GLI4: variants seen among roughly 807,000 people sequenced by gnomAD.
GLI4 encodes the protein zinc finger protein GLI4.
A neutral mutation model predicts 30.9 loss-of-function variants in GLI4; 34 were observed. The ratio of observed to expected loss-of-function variants is 1.10; its 90% CI spans 0.84 to 1.47. The LOEUF (loss-of-function observed/expected upper bound fraction) is 1.47, where lower values mean the gene tolerates loss of function less well. Ranked by LOEUF, GLI4 falls within the 40% of genes most tolerant of loss-of-function variation. GLI4 has a pLI of 0.00. For missense variants in GLI4, 696 were observed against 538.9 expected (o/e 1.29, Z -2.89); for synonymous variants, 277 against 236.7 (o/e 1.17, Z -1.56).
chr8:143,268,687 C>G (rs1444892382), intron 1 of GLI4, among the ~76,000 whole-genome samples: 4 of 152,250 alleles, frequency 2.6e-5, no homozygotes, highest in African/African-American at 7.2e-5. Flanking sequence ...ACTCCCTATG[C>G]CTTTCTCTGG....
intron 3 of GLI4, chr8:143,275,678 GT>G (rs1473734627): frequency 1.6e-6 from 2 of 1,241,442 alleles, no homozygotes; most frequent in African/African-American, 3.1e-5. Flanking sequence ...GCAGCTCTGG[GT>G]CACCCTGCAA....
At chr8:143,274,632 C>A (rs1019894298) in intron 2 of GLI4, 72 bp from the exon 3 acceptor site, 4 of 1,444,874 alleles carry the variant, frequency 2.8e-6, no homozygotes, top group East Asian at 2.5e-5. Context: ...CCCGGGAGCA[C>A]GTGGCGGTCA....
At chr8:143,275,326 T>A in intron 3 of GLI4, 1 of 1,434,348 alleles carries the variant, frequency 7.0e-7, no homozygotes, top group Non-Finnish European at 9.1e-7. Flanking sequence ...CTCGCCCACA[T>A]CTGGGCGGCC....
At chr8:143,267,655 C>G (rs1249471847) in intron 1 of GLI4, 171 bp downstream of exon 1, 1 of 985,216 alleles carries the variant, frequency 1.0e-6, no homozygotes, top group African/African-American at 1.7e-5. Flanking sequence ...GGGGTGGGCT[C>G]CTGGGGGTCG....
At chr8:143,271,438 G>T (rs1316139236) in intron 2 of GLI4, among the ~76,000 whole-genome samples, 1 of 152,166 alleles carries the variant, frequency 6.6e-6, no homozygotes, top group African/African-American at 2.4e-5. Context: ...GTGAAGGCAG[G>T]GGCTGTTTCT....
rs1317836752 is a variant in GLI4 at position 143,276,380 on chromosome 8, A to C, written c.707A>C (p.Glu236Ala). The change falls in exon 4 of 4, where the codon GAG becomes GCG. Residue 236 changes from glutamate (E) to alanine (A), a missense_variant. Coordinates refer to ENST00000340042, the MANE Select transcript of GLI4 (RefSeq NM_138465.4). ...CAGCACCACCGCATCCACACGGGCG[A>C]GAAGCCCTACGAGTGCGGCCAGTGC... Reference protein sequence around the residue: ...FIQHHRIHTGEKPYECGQCGR... With the variant: ...FIQHHRIHTGAKPYECGQCGR... 1 of 1,612,652 alleles carries C rather than the reference A, an allele frequency of 6.2e-7. No homozygotes were observed. Among genetic ancestry groups the C allele is most frequent in the Non-Finnish European group, 8.5e-7 (1 of 1,179,796 alleles).
intron 1 of GLI4, chr8:143,267,751 C>T (rs1170350114): frequency 2.0e-6 from 2 of 985,250 alleles, no homozygotes; most frequent in Non-Finnish European, 2.4e-6. Flanking sequence ...CACCCAGTGA[C>T]GGCAGCTGTC....
At position 143,269,383 on chromosome 8, in the gene GLI4, A is replaced by C. The variant is rs1199053255; in HGVS notation, c.-14A>C. On this transcript the variant is annotated 5_prime_UTR_variant, in exon 2 of 4. Coordinates refer to ENST00000340042, the MANE Select transcript of GLI4 (RefSeq NM_138465.4). ...AGGTCCCAGGTGTGACACCTTCAGC[A>C]GGTCTCAGGGAAGATGGCAGCCCTA... 6.2e-7 allele frequency: 1 copy of C among 1,610,480 alleles called. No individual in the cohort carries two copies. Among genetic ancestry groups the C allele is most frequent in the Non-Finnish European group, 8.5e-7 (1 of 1,178,176 alleles).
chr8:143,275,868 C>T (rs1380439028), intron 3 of GLI4, 29 bp from the exon 4 acceptor site: 2 of 1,268,018 alleles, frequency 1.6e-6, no homozygotes, highest in Non-Finnish European at 2.0e-6. Flanking sequence ...CATGCGGGTA[C>T]TATCCGCCTC....
At chr8:143,275,085 C>G in intron 3 of GLI4, 2 of 1,535,672 alleles carry the variant, frequency 1.3e-6, no homozygotes, top group South Asian at 2.4e-5. Flanking sequence ...GAATCAGGAA[C>G]TCCTCCCTCC....
chr8:143,271,417 C>A (rs923209006), intron 2 of GLI4, among the ~76,000 whole-genome samples: 2 of 152,216 alleles, frequency 1.3e-5, no homozygotes, highest in Non-Finnish European at 2.9e-5. Flanking sequence ...GTCCCAACTT[C>A]CAGGCACTGG....
intron 3 of GLI4, 80 bp downstream of exon 3, chr8:143,274,882 C>T (rs1011856642): frequency 4.1e-5 from 61 of 1,501,164 alleles, no homozygotes; most frequent in African/African-American, 2.4e-4. Context: ...CTCTGTGGCA[C>T]CCCCAATGCT....
In GLI4 at chr8:143,276,744, C is replaced by T. The variant is rs754707301; in HGVS notation, c.1071C>T (p.Gly357=). 8 of 1,607,682 alleles carry T rather than the reference C, an allele frequency of 5.0e-6. No homozygotes were observed. The highest frequency in any genetic ancestry group is 4.0e-5 in the African/African-American group (3 of 74,816). ...GEKPFACGAC[G]KAFGQSSQLI... Reference sequence around the variant, plus strand: ...AGCCCTTCGCGTGTGGCGCCTGCGGCAAGGCCTTCGGCCAGAGCTCCCAGC... The same window carrying T: ...AGCCCTTCGCGTGTGGCGCCTGCGGTAAGGCCTTCGGCCAGAGCTCCCAGC... Residue 357 remains glycine, a synonymous_variant, in exon 4 of 4, where the codon GGC becomes GGT. Transcript: ENST00000340042.
intron 3 of GLI4, chr8:143,275,336 C>G (rs985322205): frequency 1.4e-6 from 2 of 1,420,974 alleles, no homozygotes; most frequent in Admixed American, 2.8e-5. Context: ...TCTGGGCGGC[C>G]CTGGGGTGGG....
chr8:143,268,700 G>C (rs371446315), intron 1 of GLI4, among the ~76,000 whole-genome samples: 2 of 152,278 alleles, frequency 1.3e-5, no homozygotes, highest in Non-Finnish European at 2.9e-5. Flanking sequence ...TTCTCTGGGG[G>C]AGGGGTGATG....
At chr8:143,274,207 T>C (rs963906261) in intron 2 of GLI4, among the ~76,000 whole-genome samples, 1 of 152,122 alleles carries the variant, frequency 6.6e-6, no homozygotes, top group Non-Finnish European at 1.5e-5. Flanking sequence ...CTGCCTCTGC[T>C]GTTTCTGGGC....
In GLI4 at chr8:143,275,714, C is replaced by T. The variant is rs528076255; in HGVS notation, c.224-183C>T. 162 of 1,241,696 alleles carry T rather than the reference C, an allele frequency of 1.3e-4. 1 individual carries two copies. The South Asian group carries it at 3.0e-3, about 23-fold the overall frequency. 76.9% of individuals were successfully genotyped at this position (1,241,696 alleles called of 1,614,324 possible). On this transcript the variant is annotated intron_variant, in intron 3 of 3. Coordinates refer to ENST00000340042, the MANE Select transcript of GLI4 (RefSeq NM_138465.4). ...ACGCCCCCCACCCCTGTGTCTATGT[C>T]AGCTCTCCTGGGCACGGCACTCCGA...
intron 2 of GLI4, among the ~76,000 whole-genome samples, chr8:143,269,822 T>C (rs1357036381): frequency 1.3e-5 from 2 of 152,218 alleles, no homozygotes; most frequent in Non-Finnish European, 2.9e-5. Flanking sequence ...AAAATCTGGA[T>C]CCAGCGTGAC....
chr8:143,275,287 G>A lies in GLI4; in HGVS notation c.223+485G>A, dbSNP rs1369909426. ...AGGGTTCCCTCTGGGCGATGTTAGT[G>A]ATATGGCTGGATTTAACAGTGCTGA... On this transcript the variant is annotated intron_variant, in intron 3 of 3. Coordinates refer to ENST00000340042, the MANE Select transcript of GLI4 (RefSeq NM_138465.4). 4 of 1,487,978 alleles carry A rather than the reference G, an allele frequency of 2.7e-6. No individual in the cohort carries two copies. The African/African-American group carries it at 5.6e-5, about 21-fold the overall frequency. The allele number at this position is 1,487,978 out of a possible 1,614,324, so 92.2% of individuals were successfully genotyped here. A position where few individuals can be genotyped will look rare whatever the true frequency, so the allele number is the denominator to read the frequency against.
Sources: allele counts gnomAD v4.1 joint callset (sites outside exome capture counted in the v4.1 genomes callset), GRCh38; gene constraint gnomAD v4.1.1; transcripts MANE v1.5; gene names NCBI Gene and HGNC (gene_info 2026-07-23, HGNC 2026-07-21).